The following NWD1 variants were observed in gnomAD, a reference collection of about 807,000 sequenced individuals.
NWD1 encodes the protein NACHT domain- and WD repeat-containing protein 1.
Under a neutral mutation model 135.1 loss-of-function variants are expected in NWD1, and 129 were observed. The observed-to-expected ratio is 0.96, with a 90% CI of 0.83 to 1.11. The LOEUF (loss-of-function observed/expected upper bound fraction) is 1.11, where lower values mean the gene tolerates loss of function less well. Ranked by LOEUF, NWD1 falls within the 50% of genes least tolerant of loss-of-function variation. The pLI is 0.00. For synonymous variants in NWD1, 773 were observed against 786.0 expected (o/e 0.98, Z 0.28); for missense variants, 1,740 against 1,851.3 (o/e 0.94, Z 1.10).
chr19:16,733,879 G>T (rs1478972444), intron 3 of NWD1, among the ~76,000 whole-genome samples: 3 of 151,794 alleles, frequency 2.0e-5, no homozygotes, highest in Non-Finnish European at 4.4e-5. Flanking sequence ...CTAACTCATT[G>T]TTCCTCCCCC....
chr19:16,790,632 T>TAA (rs57075970), intron 13 of NWD1, among the ~76,000 whole-genome samples: 3 of 47,398 alleles, frequency 6.3e-5, no homozygotes, highest in Admixed American at 2.1e-4. Flanking sequence ...AAAGTAACAT[T>TAA]AAAAAAAAAT....
intron 10 of NWD1, among the ~76,000 whole-genome samples, chr19:16,768,146 C>T (rs567602382): frequency 6.6e-6 from 1 of 152,070 alleles, no homozygotes; most frequent in African/African-American, 2.4e-5. Flanking sequence ...AGGTGTGTGC[C>T]ACCACATGCA....
intron 4 of NWD1, among the ~76,000 whole-genome samples, chr19:16,736,965 G>C (rs1002022341): frequency 6.6e-6 from 1 of 152,188 alleles, no homozygotes; most frequent in African/African-American, 2.4e-5. Flanking sequence ...GGAAGCAGCA[G>C]GTGGCTTGGA....
At chr19:16,808,348 A>C (rs1970820868) in intron 18 of NWD1, among the ~76,000 whole-genome samples, 2 of 151,900 alleles carry the variant, frequency 1.3e-5, no homozygotes, top group Admixed American at 6.6e-5. Context: ...TCGGGAGTTC[A>C]AGACCAGCCT....
At position 16,750,011 on chromosome 19, in the gene NWD1, A is replaced by C. The variant is rs760960238; in HGVS notation, c.1369A>C (p.Asn457His). The change falls in exon 6 of 19, where the codon AAC becomes CAC. Residue 457 changes from asparagine to histidine, a missense_variant. Transcript: ENST00000524140. ...TCGGAGGGTTCCCTGGCTGCCTCTC[A>C]ACTGCCCCCCGAGGGTGCACCTCAT... is the stretch of plus-strand genomic sequence containing the variant. Reference protein sequence around the residue: ...HARRVPWLPLNCPPRVHLILS... With the variant: ...HARRVPWLPLHCPPRVHLILS... 6.2e-7 allele frequency: 1 copy of C among 1,613,694 alleles called. No individual in the cohort carries two copies. Among genetic ancestry groups the C allele is most frequent in the Non-Finnish European group, 8.5e-7 (1 of 1,179,934 alleles).
intron 4 of NWD1, among the ~76,000 whole-genome samples, chr19:16,742,816 A>G (rs963607092): frequency 6.6e-6 from 1 of 151,222 alleles, no homozygotes; most frequent in African/African-American, 2.4e-5. Flanking sequence ...GACTACAGGC[A>G]TGTGCCACCA....
intron 11 of NWD1, among the ~76,000 whole-genome samples, chr19:16,778,222 G>T (rs1173064574): frequency 6.6e-6 from 1 of 152,080 alleles, no homozygotes; most frequent in Non-Finnish European, 1.5e-5. Flanking sequence ...AGGACATTCA[G>T]AAAGTTCAGT....
chr19:16,796,180 C>T (rs1020955628), intron 15 of NWD1, among the ~76,000 whole-genome samples: 1 of 152,090 alleles, frequency 6.6e-6, no homozygotes, highest in Admixed American at 6.6e-5. Flanking sequence ...TGCAGTGGCT[C>T]ACGCCTGTAA....
intron 7 of NWD1, among the ~76,000 whole-genome samples, 176 bp downstream of exon 7, chr19:16,759,604 C>T (rs1176389860): frequency 6.6e-6 from 1 of 152,166 alleles, no homozygotes; most frequent in Non-Finnish European, 1.5e-5. Flanking sequence ...AGGCTGGAAG[C>T]AGTGGCTCAT....
intron 3 of NWD1, among the ~76,000 whole-genome samples, chr19:16,731,596 A>C (rs1599426210): frequency 7.2e-6 from 1 of 138,666 alleles, no homozygotes; most frequent in Non-Finnish European, 1.5e-5. Context: ...TGAGCCACTG[A>C]GCCCAGCCCC....
intron 12 of NWD1, among the ~76,000 whole-genome samples, chr19:16,785,450 G>A (rs1970005187): frequency 6.6e-6 from 1 of 151,876 alleles, no homozygotes; most frequent in African/African-American, 2.4e-5. Context: ...GTGGGAGGTT[G>A]CAGTGAGCCG....
At position 16,762,022 on chromosome 19, in the gene NWD1, G is replaced by A. The variant is rs74887865; in HGVS notation, c.2017G>A (p.Glu673Lys). Residue 673 changes from glutamate to lysine, a missense_variant, in exon 8 of 19, where the codon GAG becomes AAG. Transcript: ENST00000524140. The stretch of plus-strand genomic sequence containing the variant: ...CCGTGAGCGCTACCTGTCAGGATCC[G>A]AGAGAGCCAAGAGGCATGGCGTCCT... Reference protein sequence around the residue: ...VVRERYLSGSERAKRHGVLAD... With the variant: ...VVRERYLSGSKRAKRHGVLAD... The A allele has an allele frequency of 4.2e-5, 68 of 1,614,070 alleles. No individual in the cohort carries two copies. In the African/African-American group the frequency reaches 8.4e-4, roughly 20 times the overall value.
chr19:16,744,742 T>G (rs1968235056), intron 5 of NWD1, 24 bp downstream of exon 5: 16 of 1,524,782 alleles, frequency 1.0e-5, no homozygotes, highest in Non-Finnish European at 1.4e-5. Context: ...GACTCCCCTC[T>G]GGAGACCCAC....
intron 2 of NWD1, among the ~76,000 whole-genome samples, chr19:16,729,787 T>G (rs987553481): frequency 6.6e-6 from 1 of 151,316 alleles, no homozygotes; most frequent in African/African-American, 2.4e-5. Flanking sequence ...GAGAATCCCT[T>G]GAATCTGGTA....
chr19:16,750,292 C>A lies in NWD1; in HGVS notation c.1650C>A (p.Thr550=). 1 of 1,613,678 alleles carries A rather than the reference C, an allele frequency of 6.2e-7. No homozygotes were observed. Among genetic ancestry groups the A allele is most frequent in the East Asian group, 2.2e-5 (1 of 44,870 alleles). The change falls in exon 6 of 19, where the codon ACC becomes ACA. Residue 550 remains threonine (T), a synonymous_variant. Transcript: ENST00000524140. Reference sequence around the variant, plus strand: ...AAGCCCGGAAATGGGCCTCTTTCACCGTGCCTGTCCCGCTGGCCACCACCG... The same window carrying A: ...AAGCCCGGAAATGGGCCTCTTTCACAGTGCCTGTCCCGCTGGCCACCACCG... ...FEEARKWASF[T]VPVPLATTAE...
intron 4 of NWD1, among the ~76,000 whole-genome samples, chr19:16,741,484 G>A (rs1317183140): frequency 1.3e-5 from 2 of 149,922 alleles, no homozygotes; most frequent in Non-Finnish European, 3.0e-5. Flanking sequence ...TCCTTCCTCA[G>A]CCTCCCAAGT....
intron 7 of NWD1, among the ~76,000 whole-genome samples, chr19:16,760,836 C>T (rs1222245276): frequency 6.6e-6 from 1 of 152,100 alleles, no homozygotes; most frequent in Non-Finnish European, 1.5e-5. Context: ...GTGATCTGCC[C>T]GCCTTGGCCT....
chr19:16,786,790 G>A (rs533171068), intron 12 of NWD1, among the ~76,000 whole-genome samples: 4 of 152,126 alleles, frequency 2.6e-5, no homozygotes, highest in Admixed American at 6.6e-5. Flanking sequence ...GAGCTCAGGC[G>A]ATCTGCCCGC....
intron 4 of NWD1, among the ~76,000 whole-genome samples, chr19:16,737,235 G>T (rs1339955710): frequency 6.6e-6 from 1 of 151,916 alleles, no homozygotes; most frequent in Admixed American, 6.6e-5. Context: ...AATGGTTTTG[G>T]CTATTAAAAT....
Sources: allele counts gnomAD v4.1 joint callset (sites outside exome capture counted in the v4.1 genomes callset), GRCh38; gene constraint gnomAD v4.1.1; transcripts MANE v1.5; gene names NCBI Gene and HGNC (gene_info 2026-07-23, HGNC 2026-07-21).